The following EPN2 variants were observed in gnomAD, a reference collection of about 807,000 sequenced individuals.
EPN2 encodes the protein epsin 2.
EPN2 carries 34 observed loss-of-function variants against 61.7 expected under a neutral mutation model. The ratio of observed to expected loss-of-function variants is 0.55; its 90% CI spans 0.42 to 0.73. EPN2 has a LOEUF of 0.73. Among genes scored for constraint, EPN2 ranks in the 30% least tolerant of loss-of-function variants. The pLI is 0.00. For missense variants in EPN2, 714 were observed against 839.2 expected (o/e 0.85, Z 1.84); for synonymous variants, 349 against 353.6 (o/e 0.99, Z 0.15).
At chr17:19,297,759 GC>G (rs2152224685) in intron 4 of EPN2, among the ~76,000 whole-genome samples, 1 of 152,336 alleles carries the variant, frequency 6.6e-6, no homozygotes, top group South Asian at 2.1e-4. Context: ...GGTGCACTTG[GC>G]CACAGAGGGT....
chr17:19,278,402 G>A (rs1291616944), intron 1 of EPN2, among the ~76,000 whole-genome samples: 2 of 152,308 alleles, frequency 1.3e-5, no homozygotes, highest in Non-Finnish European at 2.9e-5. Flanking sequence ...ATGGCAGGAG[G>A]TGAAAGGCAC....
intron 1 of EPN2, among the ~76,000 whole-genome samples, chr17:19,241,249 A>G (rs1254129173): frequency 1.3e-5 from 2 of 152,136 alleles, no homozygotes; most frequent in Non-Finnish European, 2.9e-5. Context: ...TGTCAGATGC[A>G]TTGTGAAATG....
chr17:19,282,888 C>A, intron 2 of EPN2, 62 bp from the exon 3 acceptor site: 2 of 476,038 alleles, frequency 4.2e-6, no homozygotes, highest in South Asian at 6.0e-5. Context: ...GCTGCTGGAC[C>A]ACAGTCTCCC....
rs757346768 is a variant in EPN2 at position 19,329,649 on chromosome 17, T to A, written c.1411+2T>A. The A allele has an allele frequency of 2.5e-5, 39 of 1,567,422 alleles. No individual in the cohort carries two copies. The highest frequency in any genetic ancestry group is 3.3e-5 in the Non-Finnish European group (37 of 1,138,016). ...ACCTTCGGACTTCAAAAAAAACAGG[T>A]ATGTACAGGTGATGATGGTTTCCAT... is the stretch of plus-strand genomic sequence containing the variant. On this transcript the variant is annotated splice_donor_variant, in intron 9 of 10. Coordinates refer to ENST00000314728, the MANE Select transcript of EPN2 (RefSeq NM_014964.5). LOFTEE classifies it high-confidence loss of function.
intron 7 of EPN2, among the ~76,000 whole-genome samples, chr17:19,323,467 A>T (rs6587217): frequency 6.6e-6 from 1 of 152,164 alleles, no homozygotes; most frequent in African/African-American, 2.4e-5. Flanking sequence ...GGTGAATCCT[A>T]AGCAAGATAA....
intron 1 of EPN2, among the ~76,000 whole-genome samples, chr17:19,268,719 A>G (rs2045225311): frequency 6.6e-6 from 1 of 152,208 alleles, no homozygotes; most frequent in Non-Finnish European, 1.5e-5. Flanking sequence ...ATCTGGAAAT[A>G]ACCCAGATAT....
intron 7 of EPN2, among the ~76,000 whole-genome samples, chr17:19,321,474 T>C (rs1367002684): frequency 6.6e-6 from 1 of 152,092 alleles, no homozygotes; most frequent in Non-Finnish European, 1.5e-5. Flanking sequence ...TGAGAACCCT[T>C]TTCTGTTGCC....
intron 4 of EPN2, among the ~76,000 whole-genome samples, chr17:19,295,358 A>ACGCGCGCG (rs559120143): frequency 3.7e-4 from 25 of 66,690 alleles, no homozygotes; most frequent in African/African-American, 8.7e-4. Flanking sequence ...ACACACACAC[A>ACGCGCGCG]CACACACACG....
intron 4 of EPN2, among the ~76,000 whole-genome samples, chr17:19,295,868 G>T (rs2045515001): frequency 6.6e-6 from 1 of 152,120 alleles, no homozygotes. Flanking sequence ...CTGGTTCCCT[G>T]TCAGGCTTTA....
At chr17:19,276,621 C>T (rs751339999) in intron 1 of EPN2, 11 of 152,002 alleles carry the variant, frequency 7.2e-5, no homozygotes, top group Non-Finnish European at 1.2e-4. Context: ...CAAGTTTTGA[C>T]AGAATTGTAC....
chr17:19,308,398 C>T (rs934949618), intron 4 of EPN2: 36 of 985,280 alleles, frequency 3.7e-5, no homozygotes, highest in African/African-American at 1.0e-4. Flanking sequence ...TAAAATGACC[C>T]GTTAACCATG....
chr17:19,244,326 G>C (rs1215080269), intron 1 of EPN2, among the ~76,000 whole-genome samples: 1 of 152,144 alleles, frequency 6.6e-6, no homozygotes, highest in African/African-American at 2.4e-5. Flanking sequence ...AGGTGTGGTG[G>C]CGTGGGCCTG....
At chr17:19,315,736 C>T (rs187145598) in intron 7 of EPN2, among the ~76,000 whole-genome samples, 123 of 152,282 alleles carry the variant, frequency 8.1e-4, no homozygotes, top group Non-Finnish European at 1.4e-3. Context: ...CCGCTTGCCT[C>T]GGCCTCCCAA....
chr17:19,239,986 T>C (rs1275208537), intron 1 of EPN2, among the ~76,000 whole-genome samples: 2 of 152,164 alleles, frequency 1.3e-5, no homozygotes, highest in African/African-American at 4.8e-5. Flanking sequence ...TTCGGACTTT[T>C]TTTTTTTTTA....
chr17:19,333,433 G>C (rs1907252440), intron 10 of EPN2, among the ~76,000 whole-genome samples: 1 of 152,232 alleles, frequency 6.6e-6, no homozygotes, highest in Admixed American at 6.5e-5. Flanking sequence ...CTTTTGCAAA[G>C]AAAAGGCTTT....
chr17:19,256,228 C>T lies in EPN2; in HGVS notation c.-294+18697C>T, dbSNP rs536651588. On this transcript the variant is annotated intron_variant, in intron 1 of 10. Coordinates refer to ENST00000314728, the MANE Select transcript of EPN2 (RefSeq NM_014964.5). The stretch of plus-strand genomic sequence containing the variant: ...CTGGGATTACAGGCATGAGCCACCG[C>T]GCCTGGCCCCAGTCCTTCCTGTTGT... 3.9e-5 allele frequency among the ~76,000 whole-genome samples: 6 copies of T among 152,092 alleles called. No individual in the cohort carries two copies. The East Asian group carries it at 5.8e-4, about 15-fold the overall frequency.
At chr17:19,292,234 C>T (rs940577492) in intron 4 of EPN2, among the ~76,000 whole-genome samples, 1 of 152,196 alleles carries the variant, frequency 6.6e-6, no homozygotes, top group African/African-American at 2.4e-5. Flanking sequence ...CTGCCAGGAA[C>T]TAGGAGGGCA....
chr17:19,291,059 A>G (rs2045459503), intron 4 of EPN2, among the ~76,000 whole-genome samples: 1 of 152,226 alleles, frequency 6.6e-6, no homozygotes, highest in South Asian at 2.1e-4. Context: ...ATTACTAGAA[A>G]GGATTTGAGT....
At chr17:19,304,686 A>G (rs1905736675) in intron 4 of EPN2, among the ~76,000 whole-genome samples, 1 of 152,330 alleles carries the variant, frequency 6.6e-6, no homozygotes, top group African/African-American at 2.4e-5. Flanking sequence ...ACCTCCTCCC[A>G]CAGGCCCCAC....
Sources: gnomAD v4.1 joint callset for allele counts (sites outside exome capture counted in the v4.1 genomes callset) on GRCh38, gnomAD v4.1.1 for gene constraint, MANE v1.5 for transcripts, NCBI Gene and HGNC (gene_info 2026-07-23, HGNC 2026-07-21) for gene names.